Variants in HCN1 observed in about 807,000 individuals in gnomAD.
The protein encoded by HCN1 is hyperpolarization activated cyclic nucleotide gated potassium channel 1, also known as potassium/sodium hyperpolarization-activated cyclic nucleotide-gated channel 1.
Under a neutral mutation model 78.9 loss-of-function variants are expected in HCN1, and 13 were observed. The ratio of observed to expected loss-of-function variants is 0.16; its 90% CI spans 0.11 to 0.26. HCN1 has a LOEUF of 0.26. HCN1 is among the 10% of genes least tolerant of loss of function. HCN1 has a pLI of 1.00. For synonymous variants in HCN1, 552 were observed against 455.5 expected (o/e 1.21, Z -2.70); for missense variants, 810 against 1,154.3 (o/e 0.70, Z 4.32).
intron 3 of HCN1, among the ~76,000 whole-genome samples, chr5:45,428,750 T>C (rs1296988942): frequency 1.3e-5 from 2 of 151,716 alleles, no homozygotes; most frequent in African/African-American, 4.8e-5. Context: ...AGCAAAAAGA[T>C]AGAAAGGCTG....
intron 6 of HCN1, among the ~76,000 whole-genome samples, chr5:45,281,794 A>T (rs953836018): frequency 6.6e-6 from 1 of 151,396 alleles, no homozygotes; most frequent in Non-Finnish European, 1.5e-5. Context: ...GGGTTTCACC[A>T]TATTTGCCAG....
At chr5:45,666,956 T>C (rs1580035605) in intron 1 of HCN1, among the ~76,000 whole-genome samples, 3 of 152,124 alleles carry the variant, frequency 2.0e-5, no homozygotes, top group African/African-American at 4.8e-5. Context: ...GAAAGCCTAA[T>C]GTCTAAGAGA....
At chr5:45,687,396 C>G (rs1739829335) in intron 1 of HCN1, among the ~76,000 whole-genome samples, 1 of 152,058 alleles carries the variant, frequency 6.6e-6, no homozygotes, top group Non-Finnish European at 1.5e-5. Context: ...AGATTTTGAC[C>G]TTATAAATTA....
At chr5:45,606,826 C>G (rs535698193) in intron 2 of HCN1, among the ~76,000 whole-genome samples, 11 of 151,844 alleles carry the variant, frequency 7.2e-5, no homozygotes, top group African/African-American at 2.7e-4. Context: ...GGAGGATAAA[C>G]TAAATATTCA....
At chr5:45,675,134 T>C (rs1034740731) in intron 1 of HCN1, among the ~76,000 whole-genome samples, 1 of 151,660 alleles carries the variant, frequency 6.6e-6, no homozygotes, top group African/African-American at 2.4e-5. Context: ...ATCACATATA[T>C]CCTGCAAGAA....
At chr5:45,386,287 C>T (rs1747907686) in intron 4 of HCN1, among the ~76,000 whole-genome samples, 1 of 151,682 alleles carries the variant, frequency 6.6e-6, no homozygotes, top group Admixed American at 6.6e-5. Flanking sequence ...GTGATCCTCC[C>T]ACCTCAGACT....
At chr5:45,570,015 A>G (rs568728241) in intron 2 of HCN1, among the ~76,000 whole-genome samples, 117 of 152,134 alleles carry the variant, frequency 7.7e-4, no homozygotes, top group Non-Finnish European at 1.4e-3. Flanking sequence ...TGACTGAAGT[A>G]AAAAATTTGT....
chr5:45,278,719 A>G (rs1745108985), intron 6 of HCN1, among the ~76,000 whole-genome samples: 2 of 152,148 alleles, frequency 1.3e-5, no homozygotes. Flanking sequence ...TATACATTAA[A>G]GCAATGATAA....
intron 3 of HCN1, among the ~76,000 whole-genome samples, chr5:45,409,877 C>A (rs1378608286): frequency 6.6e-6 from 1 of 150,750 alleles, no homozygotes; most frequent in East Asian, 1.9e-4. Context: ...TCAGATTACC[C>A]AACTTTATTC....
chr5:45,288,226 C>T (rs1389388775), intron 6 of HCN1, among the ~76,000 whole-genome samples: 2 of 151,978 alleles, frequency 1.3e-5, no homozygotes, highest in Admixed American at 6.6e-5. Context: ...TTTTTAACCA[C>T]CGGAGCATGA....
intron 5 of HCN1, among the ~76,000 whole-genome samples, chr5:45,347,879 C>G (rs939752346): frequency 3.3e-5 from 5 of 152,176 alleles, no homozygotes; most frequent in Non-Finnish European, 5.9e-5. Flanking sequence ...AAGACCAAAT[C>G]TACGTCTGAT....
intron 5 of HCN1, among the ~76,000 whole-genome samples, chr5:45,323,749 G>T (rs1207914449): frequency 1.3e-5 from 2 of 151,836 alleles, no homozygotes; most frequent in Non-Finnish European, 2.9e-5. Flanking sequence ...GGTGTGTGAT[G>T]TTCCCCTTCC....
intron 6 of HCN1, among the ~76,000 whole-genome samples, chr5:45,281,145 T>C (rs1745155217): frequency 1.3e-5 from 2 of 152,152 alleles, no homozygotes. Context: ...ATGGTTTGGC[T>C]CTGTGTCCCC....
At chr5:45,515,466 A>G (rs1042123086) in intron 2 of HCN1, among the ~76,000 whole-genome samples, 1 of 152,036 alleles carries the variant, frequency 6.6e-6, no homozygotes, top group African/African-American at 2.4e-5. Context: ...TCATGTAGCA[A>G]TAAGTACCAT....
chr5:45,389,222 T>A (rs779009163), intron 4 of HCN1, among the ~76,000 whole-genome samples: 3 of 152,136 alleles, frequency 2.0e-5, no homozygotes, highest in Non-Finnish European at 2.9e-5. Context: ...GTTCATGAAC[T>A]GTGGTAAGCT....
chr5:45,331,528 T>C (rs1381089223), intron 5 of HCN1, among the ~76,000 whole-genome samples: 2 of 147,288 alleles, frequency 1.4e-5, no homozygotes, highest in Non-Finnish European at 1.6e-5. Context: ...ATTTTAGACT[T>C]ATTAATATTT....
intron 5 of HCN1, among the ~76,000 whole-genome samples, chr5:45,329,827 G>T (rs1040280077): frequency 6.6e-6 from 1 of 151,288 alleles, no homozygotes; most frequent in Non-Finnish European, 1.5e-5. Context: ...GAGGTACTGT[G>T]ACTTATGGCT....
chr5:45,461,427 G>T (rs184013602), intron 3 of HCN1, among the ~76,000 whole-genome samples: 1 of 152,028 alleles, frequency 6.6e-6, no homozygotes, highest in South Asian at 2.1e-4. Context: ...CTATGCTGAT[G>T]TATCTGCCTT....
intron 2 of HCN1, among the ~76,000 whole-genome samples, chr5:45,463,694 T>C (rs1035756188): frequency 2.6e-5 from 4 of 152,062 alleles, no homozygotes; most frequent in Non-Finnish European, 5.9e-5. Flanking sequence ...TTAAAAGTTA[T>C]ATAATACAAC....
Sources: gnomAD v4.1 joint callset for allele counts (sites outside exome capture counted in the v4.1 genomes callset) on GRCh38, gnomAD v4.1.1 for gene constraint, MANE v1.5 for transcripts, NCBI Gene and HGNC (gene_info 2026-07-23, HGNC 2026-07-21) for gene names.